The following ZNF417 variants were observed in gnomAD, a reference collection of about 807,000 sequenced individuals.
ZNF417 encodes zinc finger protein 417.
In ZNF417, 5 loss-of-function variants were observed where a neutral mutation model predicts 7.4. The observed-to-expected ratio is 0.68, with a 90% confidence interval of 0.35 to 1.43. The LOEUF (loss-of-function observed/expected upper bound fraction) is 1.43, where lower values mean the gene tolerates loss of function less well. Ranked by LOEUF, ZNF417 falls within the 40% of genes most tolerant of loss-of-function variation. ZNF417 has a pLI of 0.04. For synonymous variants in ZNF417, 147 were observed against 239.1 expected (o/e 0.61, Z 3.55); for missense variants, 437 against 697.3 (o/e 0.63, Z 4.20).
chr19:57,915,283 T>A, intron 1 of ZNF417: 1 of 178,214 alleles, frequency 5.6e-6, no homozygotes, highest in East Asian at 1.6e-4. Flanking sequence ...AAAGCCTGGA[T>A]TTGGATCATG....
In ZNF417 at chr19:57,908,892, C is replaced by A. The variant is rs751924821; in HGVS notation, c.1386G>T (p.Arg462Ser). ...TCCCACATACCTCACACGCATATGGCCTTTCTCCAGTGTGAACTCTCTCAT... is the reference window on the plus strand; with the variant it reads ...TCCCACATACCTCACACGCATATGGACTTTCTCCAGTGTGAACTCTCTCAT... ...LVHERVHTGERPYACEVCGKL... is the reference protein window; with the variant it reads ...LVHERVHTGESPYACEVCGKL... The change falls in exon 3 of 3, where the codon AGG (arginine) becomes AGT (serine). Residue 462 changes from arginine to serine, a missense_variant. Physicochemically the swap from Arg to Ser is moderately radical, Grantham distance 110. Transcript: ENST00000312026. The A allele has an allele frequency of 6.2e-7, 1 of 1,614,078 alleles. No individual in the cohort carries two copies. The highest frequency in any genetic ancestry group is 1.3e-5 in the African/African-American group (1 of 74,936).
intron 2 of ZNF417, among the ~76,000 whole-genome samples, chr19:57,910,897 T>C (rs1349668752): frequency 6.6e-6 from 1 of 151,960 alleles, no homozygotes; most frequent in African/African-American, 2.4e-5. Flanking sequence ...AAGAAAAAAT[T>C]AGCTAGGTGT....
rs1400694469 is a variant in ZNF417 at position 57,909,102 on chromosome 19, C to T, written c.1176G>A (p.Lys392=). The T allele has an allele frequency of 6.2e-7, 1 of 1,614,150 alleles. No individual in the cohort carries two copies. The highest frequency in any genetic ancestry group is 1.1e-5 in the South Asian group (1 of 91,080). Residue 392 remains lysine, a synonymous_variant, in exon 3 of 3, where the codon AAG becomes AAA. Transcript: ENST00000312026. The part of the protein sequence containing the change: ...CGECGKSFGQ[K]GNLVQHQRGH... The stretch of plus-strand genomic sequence containing the variant: ...CTCGCTGATGTTGAACGAGGTTGCC[C>T]TTTTGACCAAAAGATTTTCCACATT...
chr19:57,914,301 T>C (rs1181572599), intron 1 of ZNF417, among the ~76,000 whole-genome samples: 4 of 151,272 alleles, frequency 2.6e-5, no homozygotes, highest in African/African-American at 9.7e-5. Context: ...GTCTGGCCAA[T>C]ATGATGAAAC....
intron 1 of ZNF417, chr19:57,915,569 C>T: frequency 2.4e-6 from 1 of 408,966 alleles, no homozygotes. Flanking sequence ...TCAGACCTTA[C>T]TGACTCCGTC....
At chr19:57,910,578 T>C (rs1395380568) in intron 2 of ZNF417, among the ~76,000 whole-genome samples, 2 of 151,848 alleles carry the variant, frequency 1.3e-5, no homozygotes, top group Non-Finnish European at 1.5e-5. Flanking sequence ...AAAAGAAGAA[T>C]GAGCTGCCTA....
chr19:57,914,502 A>G (rs1280275137), intron 1 of ZNF417, among the ~76,000 whole-genome samples: 25 of 150,382 alleles, frequency 1.7e-4, no homozygotes, highest in Admixed American at 1.5e-3. Flanking sequence ...AAAAAAAAAA[A>G]AAAAAAAAGA....
At chr19:57,914,004 A>G (rs866913306) in intron 1 of ZNF417, among the ~76,000 whole-genome samples, 7 of 152,336 alleles carry the variant, frequency 4.6e-5, no homozygotes, top group African/African-American at 1.7e-4. Context: ...TTATCCATTT[A>G]ATGCCACCAT....
At chr19:57,915,513 C>A in intron 1 of ZNF417, 1 of 489,614 alleles carries the variant, frequency 2.0e-6, no homozygotes, top group Non-Finnish European at 3.8e-6. Context: ...CAGGTGAAAC[C>A]GTCTTTGCAA....
At chr19:57,915,485 T>C in intron 1 of ZNF417, 1 of 501,264 alleles carries the variant, frequency 2.0e-6, no homozygotes. Context: ...CCCCACCGCA[T>C]CCCACGGGTG....
Position 57,916,458 on chromosome 19 carries a change from G to A in ZNF417, c.-47C>T, listed in dbSNP as rs749979332. ...GCCCGGGAGCAGTGGTCGCCGTCAC[G>A]GGGCTGCAGAGCCGCCTCTGGGCAC... On this transcript the variant is annotated 5_prime_UTR_variant, in exon 1 of 3. Coordinates refer to ENST00000312026, the MANE Select transcript of ZNF417 (RefSeq NM_152475.3). 11 of 1,613,160 alleles carry A rather than the reference G, an allele frequency of 6.8e-6. No individual in the cohort carries two copies. Among genetic ancestry groups the A allele is most frequent in the South Asian group, 1.1e-5 (1 of 91,020 alleles).
At chr19:57,910,444 G>A (rs901025261) in intron 2 of ZNF417, among the ~76,000 whole-genome samples, 13 of 152,118 alleles carry the variant, frequency 8.5e-5, no homozygotes, top group African/African-American at 2.9e-4. Flanking sequence ...CACTCGGGAG[G>A]CTGAGGCAGG....
In ZNF417 at chr19:57,909,367, G is replaced by A. The variant is rs766281369; in HGVS notation, c.911C>T (p.Ser304Phe). Residue 304 changes from serine to phenylalanine, a missense_variant, in exon 3 of 3, where the codon TCT becomes TTT. Transcript: ENST00000312026. ...AATAAGGCTGCCCTTCTGACTAAAA[G>A]ATTTCCCGCACTCCTCACAGGGATA... ...TAYPCEECGK[S>F]FSQKGSLISH... 6.2e-7 allele frequency: 1 copy of A among 1,614,174 alleles called. No homozygotes were observed. Among genetic ancestry groups the A allele is most frequent in the Non-Finnish European group, 8.5e-7 (1 of 1,180,004 alleles).
At chr19:57,914,189 G>C (rs999864798) in intron 1 of ZNF417, among the ~76,000 whole-genome samples, 2 of 152,014 alleles carry the variant, frequency 1.3e-5, no homozygotes, top group African/African-American at 4.8e-5. Flanking sequence ...ATCCGCATTA[G>C]AAAACCTAGC....
At chr19:57,915,796 A>T (rs373804092) in intron 1 of ZNF417, 29 of 411,084 alleles carry the variant, frequency 7.1e-5, no homozygotes, top group African/African-American at 5.5e-4. Flanking sequence ...GCAGCTTCTG[A>T]CTCCAAGAGT....
intron 2 of ZNF417, 141 bp from the exon 3 acceptor site, chr19:57,910,255 G>A: frequency 6.8e-7 from 1 of 1,468,858 alleles, no homozygotes; most frequent in Non-Finnish European, 9.1e-7. Flanking sequence ...AGTTGAAGAT[G>A]GGGCTGCTGG....
chr19:57,908,774 G>T lies in ZNF417; in HGVS notation c.1504C>A (p.Leu502Ile), dbSNP rs374976675. The T allele has an allele frequency of 1.8e-5, 29 of 1,613,028 alleles. No homozygotes were observed. Among genetic ancestry groups the T allele is most frequent in the Admixed American group, 1.7e-4 (10 of 59,932 alleles). The change falls in exon 3 of 3, where the codon CTT (leucine) becomes ATT (isoleucine). Residue 502 changes from leucine (L) to isoleucine (I), a missense_variant. By Grantham distance (5) the Leu-to-Ile change is conservative. Coordinates refer to ENST00000312026, the MANE Select transcript of ZNF417 (RefSeq NM_152475.3). ...YECNECGKSF[L>I]SSSALHVHKR... is the part of the protein sequence containing the mutation. ...TGAACATGAAGCGCAGAGCTGGAAA[G>T]AAATGATTTCCCACATTCATTGCAT...
At chr19:57,913,807 GTA>G (rs1200074493) in intron 1 of ZNF417, among the ~76,000 whole-genome samples, 1 of 152,088 alleles carries the variant, frequency 6.6e-6, no homozygotes, top group African/African-American at 2.4e-5. Context: ...AGGGACGTAA[GTA>G]AGAGATCCAC....
Position 57,907,500 on chromosome 19 carries a change from G to A in ZNF417, c.*1050C>T, listed in dbSNP as rs567379015. 6 of 154,942 alleles carry A rather than the reference G, an allele frequency of 3.9e-5. No individual in the cohort carries two copies. Among genetic ancestry groups the A allele is most frequent in the African/African-American group, 1.2e-4 (5 of 41,666 alleles). 9.6% of individuals were successfully genotyped at this position (154,942 alleles called of 1,614,324 possible). A position where few individuals can be genotyped will look rare whatever the true frequency, so the allele number is the denominator to read the frequency against. ...TAATTCAGAGTGAGAGGAAACAAGA[G>A]AGATTCTAGGCAGCCCTCAGGGAAG... On this transcript the variant is annotated 3_prime_UTR_variant, in exon 3 of 3. Coordinates refer to ENST00000312026, the MANE Select transcript of ZNF417 (RefSeq NM_152475.3).
Sources: allele counts gnomAD v4.1 joint callset (sites outside exome capture counted in the v4.1 genomes callset), GRCh38; gene constraint gnomAD v4.1.1; transcripts MANE v1.5; gene names NCBI Gene and HGNC (gene_info 2026-07-23, HGNC 2026-07-21).